VWA3B: variants seen among roughly 807,000 people sequenced by gnomAD.
VWA3B encodes von Willebrand factor A domain-containing protein 3B.
In VWA3B, 138 loss-of-function variants were observed where a neutral mutation model predicts 158.3. The ratio of observed to expected loss-of-function variants is 0.87; its 90% CI spans 0.76 to 1.00. The LOEUF is 1.00. VWA3B is among the 50% of genes least tolerant of loss of function. The probability of loss-of-function intolerance (pLI) is 0.00; values close to 1 mark genes in which losing one functional copy is unlikely to be tolerated. For synonymous variants in VWA3B, 596 were observed against 587.3 expected (o/e 1.01, Z -0.21); for missense variants, 1,555 against 1,565.1 (o/e 0.99, Z 0.11).
chr2:98,090,061 G>T (rs1213473318), intron 1 of VWA3B, among the ~76,000 whole-genome samples: 1 of 152,078 alleles, frequency 6.6e-6, no homozygotes, highest in African/African-American at 2.4e-5. Context: ...ACTCCCTTCA[G>T]CAAGAATATT....
chr2:98,222,883 G>A (rs909007218), intron 14 of VWA3B, among the ~76,000 whole-genome samples: 2 of 152,188 alleles, frequency 1.3e-5, no homozygotes, highest in African/African-American at 4.8e-5. Flanking sequence ...ATTTTAAATA[G>A]GACCCAGAAT....
At chr2:98,148,319 A>G (rs2105148998) in intron 7 of VWA3B, among the ~76,000 whole-genome samples, 1 of 152,334 alleles carries the variant, frequency 6.6e-6, no homozygotes, top group South Asian at 2.1e-4. Flanking sequence ...CGTGTCAATT[A>G]GTATTAAACA....
intron 8 of VWA3B, among the ~76,000 whole-genome samples, chr2:98,168,313 A>G (rs1019792616): frequency 1.3e-4 from 20 of 151,854 alleles, no homozygotes; most frequent in Non-Finnish European, 1.6e-4. Context: ...CAGATGAGTT[A>G]TGAGCCTCAG....
chr2:98,194,275 G>A (rs1681843501), intron 11 of VWA3B, 86 bp from the exon 12 acceptor site: 1 of 1,395,916 alleles, frequency 7.2e-7, no homozygotes, highest in African/African-American at 1.4e-5. Context: ...AGACCATCAT[G>A]ATTAAAATAT....
chr2:98,152,601 A>G (rs1469298568), intron 7 of VWA3B, among the ~76,000 whole-genome samples: 1 of 152,230 alleles, frequency 6.6e-6, no homozygotes, highest in Admixed American at 6.5e-5. Context: ...CTTCCTGTAT[A>G]TCCTTGAAAA....
Position 98,298,008 on chromosome 2 carries a change from G to A in VWA3B, c.3259G>A (p.Ala1087Thr), listed in dbSNP as rs777197115. 2.5e-5 allele frequency: 40 copies of A among 1,572,204 alleles called. No individual in the cohort carries two copies. The highest frequency in any genetic ancestry group is 7.2e-5 in the East Asian group (3 of 41,516). The change falls in exon 24 of 28, where the codon GCC becomes ACC. Residue 1087 changes from alanine to threonine, a missense_variant. Physicochemically the swap from Ala to Thr is moderately conservative, Grantham distance 58. Coordinates refer to ENST00000477737, the MANE Select transcript of VWA3B (RefSeq NM_144992.5). ...STSFITPVGG[A>T]MPCPLLQVGD... ...CTCCTTCATCACGCCTGTGGGGGGC[G>A]CCATGCCCTGCCCGCTGCTCCAGGT...
At chr2:98,304,668 C>A (rs1690406036) in intron 26 of VWA3B, among the ~76,000 whole-genome samples, 1 of 152,160 alleles carries the variant, frequency 6.6e-6, no homozygotes, top group African/African-American at 2.4e-5. Flanking sequence ...CCAGGCTGAT[C>A]TGTCCATTGG....
At chr2:98,181,739 G>C (rs552127182) in intron 9 of VWA3B, among the ~76,000 whole-genome samples, 3 of 152,206 alleles carry the variant, frequency 2.0e-5, no homozygotes, top group South Asian at 2.1e-4. Flanking sequence ...TAGGAATACA[G>C]CTTCTCCTAG....
At position 98,092,816 on chromosome 2, in the gene VWA3B, GTATATATATA is replaced by G. The variant is rs70940110; in HGVS notation, c.-32-210_-32-201del. On this transcript the variant is annotated intron_variant, in intron 1 of 27. Coordinates refer to ENST00000477737, the MANE Select transcript of VWA3B (RefSeq NM_144992.5). Reference sequence around the variant, plus strand: ...ACGGAATATCTTTCTAGATGTTTTTGTATATATATATATATATATATATATATATATATAT... The same window carrying G: ...ACGGAATATCTTTCTAGATGTTTTTGTATATATATATATATATATATATAT... 8.4e-3 allele frequency among the ~76,000 whole-genome samples: 432 copies of G among 51,492 alleles called. 7 individuals carry two copies. Among genetic ancestry groups the G allele is most frequent in the East Asian group, 0.079 (91 of 1,152 alleles). 33.8% of individuals were successfully genotyped at this position (51,492 alleles called of 152,430 possible).
chr2:98,210,061 C>T (rs772157910), intron 12 of VWA3B, among the ~76,000 whole-genome samples: 1 of 152,102 alleles, frequency 6.6e-6, no homozygotes, highest in Non-Finnish European at 1.5e-5. Flanking sequence ...GGGGAGCAGA[C>T]CACAGATTAA....
intron 10 of VWA3B, among the ~76,000 whole-genome samples, chr2:98,189,380 A>G (rs1295413594): frequency 6.6e-6 from 1 of 152,214 alleles, no homozygotes; most frequent in Admixed American, 6.5e-5. Context: ...CCTAGGTGAC[A>G]GTGCGATTGT....
chr2:98,165,229 A>G (rs1224920241), intron 8 of VWA3B, among the ~76,000 whole-genome samples: 1 of 152,142 alleles, frequency 6.6e-6, no homozygotes, highest in African/African-American at 2.4e-5. Flanking sequence ...CTCATTTCAT[A>G]TTTGCTACAA....
intron 2 of VWA3B, among the ~76,000 whole-genome samples, chr2:98,108,801 A>G (rs905714603): frequency 1.3e-5 from 2 of 151,860 alleles, no homozygotes; most frequent in South Asian, 2.1e-4. Flanking sequence ...CTCTTTGCCA[A>G]TCTCTATCTT....
chr2:98,212,176 A>G (rs968786980), intron 13 of VWA3B, 148 bp downstream of exon 13: 7 of 590,960 alleles, frequency 1.2e-5, no homozygotes, highest in Non-Finnish European at 2.1e-5. Flanking sequence ...GAGGTGAGAA[A>G]ATACACTGAA....
chr2:98,275,335 C>T (rs944591593), intron 22 of VWA3B, among the ~76,000 whole-genome samples: 1 of 152,098 alleles, frequency 6.6e-6, no homozygotes, highest in African/African-American at 2.4e-5. Context: ...GTGAGAGAGG[C>T]CAATAAACAG....
chr2:98,218,774 A>T (rs1363887109), intron 14 of VWA3B, among the ~76,000 whole-genome samples: 2 of 152,212 alleles, frequency 1.3e-5, no homozygotes, highest in African/African-American at 4.8e-5. Flanking sequence ...AATACTGATC[A>T]GTGCTTCATG....
intron 8 of VWA3B, among the ~76,000 whole-genome samples, chr2:98,163,305 C>T (rs530884958): frequency 2.2e-3 from 335 of 152,192 alleles, no homozygotes; most frequent in Non-Finnish European, 3.6e-3. Context: ...TTTGGGAGGC[C>T]GAGGCGGGTG....
intron 21 of VWA3B, among the ~76,000 whole-genome samples, chr2:98,267,416 G>A (rs1015727533): frequency 2.0e-5 from 3 of 152,052 alleles, no homozygotes; most frequent in African/African-American, 7.3e-5. Flanking sequence ...CATGGAAACT[G>A]AACAACCTGC....
chr2:98,114,264 C>T (rs569414997), intron 2 of VWA3B, among the ~76,000 whole-genome samples: 1 of 152,294 alleles, frequency 6.6e-6, no homozygotes, highest in East Asian at 1.9e-4. Context: ...AGCTTCCTCT[C>T]CCAACTCCAG....
Sources: gnomAD v4.1 joint callset for allele counts (sites outside exome capture counted in the v4.1 genomes callset) on GRCh38, gnomAD v4.1.1 for gene constraint, MANE v1.5 for transcripts, NCBI Gene and HGNC (gene_info 2026-07-23, HGNC 2026-07-21) for gene names.